COL5A3: variants seen among roughly 807,000 people sequenced by gnomAD.
The protein encoded by COL5A3 is collagen type V alpha 3 chain.
In COL5A3, 172 loss-of-function variants were observed where a neutral mutation model predicts 250.0. The observed-to-expected ratio is 0.69, with a 90% CI of 0.61 to 0.78. COL5A3 has a LOEUF of 0.78. COL5A3 is among the 30% of genes least tolerant of loss of function. The pLI is 0.00. For synonymous variants in COL5A3, 937 were observed against 900.4 expected, an observed-to-expected ratio of 1.04 and a Z score of -0.73; for missense variants, 2,340 against 2,334.4, an observed-to-expected ratio of 1.00 and a Z score of -0.05.
At position 10,006,162 on chromosome 19, in the gene COL5A3, A is replaced by G; in HGVS notation, c.158T>C (p.Phe53Ser). The change falls in exon 2 of 67, where the codon TTC becomes TCC. Residue 53 changes from phenylalanine to serine, a missense_variant. Coordinates refer to ENST00000264828, the MANE Select transcript of COL5A3 (RefSeq NM_015719.4). ...ACCCTCTGGAGTCCTCTGGGGACAG[A>G]AGCCAGGCCCCTCGGGGACCCCAGC... ...GQAGVPEGPGFCPQRTPEGDR... is the reference protein window; with the variant it reads ...GQAGVPEGPGSCPQRTPEGDR... 1 of 1,611,392 alleles carries G rather than the reference A, an allele frequency of 6.2e-7. No individual in the cohort carries two copies. Among genetic ancestry groups the G allele is most frequent in the African/African-American group, 1.3e-5 (1 of 75,004 alleles).
intron 1 of COL5A3, among the ~76,000 whole-genome samples, chr19:10,006,867 T>G (rs1472210426): frequency 6.6e-6 from 1 of 151,978 alleles, no homozygotes; most frequent in Non-Finnish European, 1.5e-5. Flanking sequence ...CCTTTTTCTG[T>G]CTGATCCCAA....
At position 10,001,524 on chromosome 19, in the gene COL5A3, A is replaced by T. The variant is rs778137732; in HGVS notation, c.1110T>A (p.Pro370=). The stretch of plus-strand genomic sequence containing the variant: ...TAACCCCAGCCACCTAGAAACTCAC[A>T]GGAAAGATCTGGAACTGAGTCCGAG... ...YPSRTQFQIF[P]GAGEKGAKGE... Residue 370 remains proline, a splice_region_variant and synonymous_variant, in exon 8 of 67, where the codon CCT becomes CCA. Transcript: ENST00000264828. 31 of 1,613,746 alleles carry T rather than the reference A, an allele frequency of 1.9e-5. No homozygotes were observed. The highest frequency in any genetic ancestry group is 2.6e-5 in the Non-Finnish European group (31 of 1,179,890).
rs1261810589 is a variant in COL5A3 at position 9,972,989 on chromosome 19, C to T, written c.3704G>A (p.Gly1235Asp). ...KGDIGEKGDSGPSGAAGPPGK... is the reference protein window; with the variant it reads ...KGDIGEKGDSDPSGAAGPPGK... ...TGGGGGTCCAGCAGCTCCAGATGGG[C>T]CTGAGTCCCCCTTTTCACCAATGTC... Residue 1235 changes from glycine to aspartate, a missense_variant, in exon 51 of 67, where the codon GGC becomes GAC. Physicochemically the swap from Gly to Asp is moderately conservative, Grantham distance 94. Around this residue, in one of 3 missense-constraint regions of COL5A3, gnomAD observed 1,179 missense variants for 1,162.6 expected, o/e 1.01. Coordinates refer to ENST00000264828, the MANE Select transcript of COL5A3 (RefSeq NM_015719.4). The T allele has an allele frequency of 6.2e-7, 1 of 1,611,102 alleles. No individual in the cohort carries two copies. The highest frequency in any genetic ancestry group is 8.5e-7 in the Non-Finnish European group (1 of 1,178,772).
In COL5A3 at chr19:9,980,851, A is replaced by G; in HGVS notation, c.2514T>C (p.Arg838=). 6.2e-7 allele frequency: 1 copy of G among 1,606,902 alleles called. No homozygotes were observed. The highest frequency in any genetic ancestry group is 8.5e-7 in the Non-Finnish European group (1 of 1,177,284). ...LEGERGPPGS[R]GERGQPGATG... is the part of the protein sequence containing the mutation. Reference sequence around the variant, plus strand: ...TGGCACCCGGTTGCCCCCTCTCTCCACGGGAACCCTGAACAAAAAAAAAAG... The same window carrying G: ...TGGCACCCGGTTGCCCCCTCTCTCCGCGGGAACCCTGAACAAAAAAAAAAG... Residue 838 remains arginine, a synonymous_variant, in exon 34 of 67, where the codon CGT becomes CGC. Transcript: ENST00000264828.
Position 10,001,841 on chromosome 19 carries a change from T to C in COL5A3, c.890A>G (p.Asn297Ser). Residue 297 changes from asparagine (N) to serine (S), a missense_variant, in exon 7 of 67, where the codon AAT (asparagine) becomes AGT (serine). By Grantham distance (46) the Asn-to-Ser change is conservative (BLOSUM62 1). Transcript: ENST00000264828. ...DIPKTETPAP[N>S]LPPTPTPLVV... ...CAAAGGCGTGGGGGTCGGAGGCAGA[T>C]TTGGAGCTGGAGTCTCTGTCTTGGG... 6.2e-7 allele frequency: 1 copy of C among 1,613,964 alleles called. No individual in the cohort carries two copies. The highest frequency in any genetic ancestry group is 8.5e-7 in the Non-Finnish European group (1 of 1,179,948).
intron 21 of COL5A3, 72 bp downstream of exon 21, chr19:9,992,755 C>T (rs560933685): frequency 1.7e-4 from 248 of 1,488,530 alleles, no homozygotes; most frequent in Admixed American, 5.8e-4. Flanking sequence ...CCAGCCTGGG[C>T]GACAGAGCGA....
chr19:9,986,561 C>T lies in COL5A3; in HGVS notation c.2236G>A (p.Gly746Ser), dbSNP rs748115015. 8.7e-6 allele frequency: 14 copies of T among 1,613,916 alleles called. No homozygotes were observed. Among genetic ancestry groups the T allele is most frequent in the Non-Finnish European group, 1.2e-5 (14 of 1,180,010 alleles). ...PGFKGDVGLK[G>S]DQGKPGAPGP... is the part of the protein sequence containing the mutation. ...TCTGGAGCTGGTCTTACCTGATCAC[C>T]TTTGAGCCCCACATCGCCCTTGAAG... The change falls in exon 29 of 67, where the codon GGT becomes AGT. Residue 746 changes from glycine (G) to serine (S), a missense_variant. By Grantham distance (56) the Gly-to-Ser change is moderately conservative. Coordinates refer to ENST00000264828, the MANE Select transcript of COL5A3 (RefSeq NM_015719.4).
rs777644097 is a variant in COL5A3, at chr19:9,992,066, G to A, written c.1849-18C>T. ...GTCACACCCTAGGGGAAAAGAGGAT[G>A]TGAGACCAAGACAGAGCAACAAGCT... On this transcript the variant is annotated intron_variant, in intron 21 of 66. Transcript: ENST00000264828. 14 of 1,612,568 alleles carry A rather than the reference G, an allele frequency of 8.7e-6. No homozygotes were observed. The Admixed American group carries it at 2.0e-4, about 23-fold the overall frequency.
At chr19:10,008,981 G>C (rs1025137940) in intron 1 of COL5A3, among the ~76,000 whole-genome samples, 3 of 152,116 alleles carry the variant, frequency 2.0e-5, no homozygotes, top group Non-Finnish European at 4.4e-5. Flanking sequence ...GGTGGCTGAA[G>C]GGGGTTGCCT....
intron 65 of COL5A3, among the ~76,000 whole-genome samples, 190 bp downstream of exon 65, chr19:9,962,629 A>C (rs970783938): frequency 6.6e-6 from 1 of 151,970 alleles, no homozygotes; most frequent in Non-Finnish European, 1.5e-5. Flanking sequence ...TGGCACCATC[A>C]TTCTGTATGG....
At position 10,006,073 on chromosome 19, in the gene COL5A3, C is replaced by T. The variant is rs768130178; in HGVS notation, c.247G>A (p.Glu83Lys). The change falls in exon 2 of 67, where the codon GAA (glutamate) becomes AAA (lysine). Residue 83 changes from glutamate to lysine, a missense_variant and splice_region_variant. Physicochemically the swap from Glu to Lys is moderately conservative, Grantham distance 56 (BLOSUM62 1). Transcript: ENST00000264828. Reference protein sequence around the residue: ...LGIPTWELFPEGHFPENFSLL... With the variant: ...LGIPTWELFPKGHFPENFSLL... Reference sequence around the variant, plus strand: ...ACCCAGGCCTCCTACTCCAACTCACCTGGAAAGAGTTCCCACGTGGGGATG... The same window carrying T: ...ACCCAGGCCTCCTACTCCAACTCACTTGGAAAGAGTTCCCACGTGGGGATG... 7.4e-6 allele frequency: 12 copies of T among 1,613,940 alleles called. No homozygotes were observed. Among genetic ancestry groups the T allele is most frequent in the Non-Finnish European group, 1.0e-5 (12 of 1,179,876 alleles).
intron 62 of COL5A3, 104 bp from the exon 63 acceptor site, chr19:9,966,850 A>C: frequency 1.2e-6 from 1 of 854,160 alleles, no homozygotes; most frequent in Non-Finnish European, 1.8e-6. Flanking sequence ...GACACAAATG[A>C]GAAAGAGGAG....
At chr19:9,994,617 T>C (rs1724094661) in intron 16 of COL5A3, among the ~76,000 whole-genome samples, 1 of 127,466 alleles carries the variant, frequency 7.8e-6, no homozygotes, top group Non-Finnish European at 1.7e-5. Context: ...TGGTCACATG[T>C]CACTGAACAA....
At chr19:9,981,181 G>A (rs779872288) in intron 32 of COL5A3, 49 bp from the exon 33 acceptor site, 1 of 1,570,306 alleles carries the variant, frequency 6.4e-7, no homozygotes, top group Non-Finnish European at 8.8e-7. Flanking sequence ...AGGGTGCAAA[G>A]GTATGACGCA....
intron 64 of COL5A3, among the ~76,000 whole-genome samples, chr19:9,965,903 G>T (rs983735165): frequency 6.6e-6 from 1 of 152,082 alleles, no homozygotes; most frequent in East Asian, 1.9e-4. Context: ...GCACAATCTC[G>T]GCTCACACTA....
intron 64 of COL5A3, among the ~76,000 whole-genome samples, chr19:9,965,503 G>C (rs569072892): frequency 2.0e-5 from 3 of 148,264 alleles, no homozygotes; most frequent in Non-Finnish European, 4.5e-5. Context: ...ACCCAGGCTG[G>C]AGTGCCATGG....
chr19:10,003,925 C>T, intron 5 of COL5A3, 116 bp downstream of exon 5: 1 of 1,049,540 alleles, frequency 9.5e-7, no homozygotes, highest in Non-Finnish European at 1.5e-6. Context: ...TGTTGGAGGT[C>T]ACGGGTCACT....
In COL5A3 at chr19:9,962,830, G is replaced by GACGGAATGTGCTATACCAGCCTCCA. The variant is rs769774899; in HGVS notation, c.4815_4839dup (p.Arg1614TrpfsTer5). ...CCTCGGTGACTCACCTTCTTCCCTCGACGGAATGTGCTATACCAGCCTCCA... is the reference window on the plus strand; with the variant it reads ...CCTCGGTGACTCACCTTCTTCCCTCGACGGAATGTGCTATACCAGCCTCCAACGGAATGTGCTATACCAGCCTCCA... On this transcript the variant is annotated stop_gained and frameshift_variant, in exon 65 of 67. Coordinates refer to ENST00000264828, the MANE Select transcript of COL5A3 (RefSeq NM_015719.4). LOFTEE classifies it high-confidence loss of function. 1 of 1,609,830 alleles carries GACGGAATGTGCTATACCAGCCTCCA rather than the reference G, an allele frequency of 6.2e-7. No individual in the cohort carries two copies. The highest frequency in any genetic ancestry group is 1.1e-5 in the South Asian group (1 of 90,024).
chr19:9,982,316 C>G (rs1487965227), intron 31 of COL5A3, among the ~76,000 whole-genome samples, 198 bp from the exon 32 acceptor site: 1 of 152,136 alleles, frequency 6.6e-6, no homozygotes, highest in Non-Finnish European at 1.5e-5. Context: ...TTCACTGCAG[C>G]CCTTTGCACT....
Sources: allele counts gnomAD v4.1 joint callset (sites outside exome capture counted in the v4.1 genomes callset), GRCh38; gene constraint gnomAD v4.1.1; regional missense constraint gnomAD v4.1.1; transcripts MANE v1.5; gene names NCBI Gene and HGNC (gene_info 2026-07-23, HGNC 2026-07-21).